Variants in CDH13 observed in about 807,000 individuals in gnomAD.
CDH13 encodes the protein cadherin 13.
In CDH13, 24 loss-of-function variants were observed where a neutral mutation model predicts 63.8. The ratio of observed to expected loss-of-function variants is 0.38; its 90% CI spans 0.27 to 0.53. CDH13 has a LOEUF of 0.53. Ranked by LOEUF, CDH13 falls within the 20% of genes least tolerant of loss-of-function variation. CDH13 has a pLI of 0.85. For missense variants in CDH13, 1,049 were observed against 903.1 expected (o/e 1.16, Z -2.07); for synonymous variants, 503 against 355.3 (o/e 1.42, Z -4.67).
chr16:83,173,171 A>G (rs2037993566), intron 4 of CDH13, among the ~76,000 whole-genome samples: 1 of 152,106 alleles, frequency 6.6e-6, no homozygotes, highest in South Asian at 2.1e-4. Flanking sequence ...CCACTTACAT[A>G]TGTCCAGCCA....
intron 11 of CDH13, among the ~76,000 whole-genome samples, chr16:83,775,606 G>A (rs1038639258): frequency 3.9e-4 from 59 of 152,120 alleles, no homozygotes; most frequent in African/African-American, 1.3e-3. Flanking sequence ...TGCTCAAATT[G>A]ACCTGTTTTC....
At chr16:83,455,630 C>A (rs375061624) in intron 6 of CDH13, among the ~76,000 whole-genome samples, 1 of 152,104 alleles carries the variant, frequency 6.6e-6, no homozygotes, top group Non-Finnish European at 1.5e-5. Flanking sequence ...TTCTGGTATC[C>A]GTCAATCCCT....
At chr16:83,137,067 G>T (rs1325737211) in intron 4 of CDH13, among the ~76,000 whole-genome samples, 1 of 152,210 alleles carries the variant, frequency 6.6e-6, no homozygotes, top group African/African-American at 2.4e-5. Context: ...AAGGGGTCAG[G>T]GGGCACATGG....
chr16:83,606,128 T>A (rs1048795733), intron 8 of CDH13, among the ~76,000 whole-genome samples: 1 of 152,098 alleles, frequency 6.6e-6, no homozygotes, highest in Admixed American at 6.5e-5. Flanking sequence ...GAGATGAAAA[T>A]CAAGGTTTAG....
chr16:83,657,691 G>T (rs1270171541), intron 8 of CDH13, among the ~76,000 whole-genome samples: 2 of 152,206 alleles, frequency 1.3e-5, no homozygotes, highest in African/African-American at 4.8e-5. Context: ...ACCTCCAGGA[G>T]ACTGTGATTT....
At chr16:83,362,512 G>T (rs891205936) in intron 6 of CDH13, among the ~76,000 whole-genome samples, 2 of 152,172 alleles carry the variant, frequency 1.3e-5, no homozygotes, top group Non-Finnish European at 2.9e-5. Context: ...CACCTCATAG[G>T]TGGGAGACAC....
intron 6 of CDH13, among the ~76,000 whole-genome samples, chr16:83,459,490 G>A (rs1379530281): frequency 1.3e-5 from 2 of 152,056 alleles, no homozygotes; most frequent in Non-Finnish European, 2.9e-5. Flanking sequence ...TTTTGCCTTT[G>A]GCTTATAAAC....
intron 2 of CDH13, among the ~76,000 whole-genome samples, chr16:82,885,224 A>T (rs903398687): frequency 6.6e-6 from 1 of 152,252 alleles, no homozygotes; most frequent in Non-Finnish European, 1.5e-5. Context: ...TTAATGTAAA[A>T]CATATTTCTA....
At chr16:82,904,713 A>T (rs1238777065) in intron 2 of CDH13, among the ~76,000 whole-genome samples, 4 of 152,142 alleles carry the variant, frequency 2.6e-5, no homozygotes, top group African/African-American at 9.7e-5. Context: ...CCATCACAGC[A>T]TAATTTAAGT....
chr16:82,637,428 C>CTTTTTTTTTTTTTTTTT lies in CDH13; in HGVS notation c.45+10295_45+10311dup, dbSNP rs573088098. Among the ~76,000 whole-genome samples, 27 of 81,654 alleles carry CTTTTTTTTTTTTTTTTT rather than the reference C, an allele frequency of 3.3e-4. 7 individuals are homozygous for CTTTTTTTTTTTTTTTTT. Among genetic ancestry groups the CTTTTTTTTTTTTTTTTT allele is most frequent in the African/African-American group, 4.2e-4 (8 of 19,256 alleles). The allele number at this position is 81,654 out of a possible 152,430, so 53.6% of individuals were successfully genotyped here. ...GCTGAGGTCTGTACAGTTACTGTGC[C>CTTTTTTTTTTTTTTTTT]TTTTTTTTTTTTTTTTTTTTGAGAC... is the stretch of plus-strand genomic sequence containing the variant. On this transcript the variant is annotated intron_variant, in intron 1 of 13. Coordinates refer to ENST00000567109, the MANE Select transcript of CDH13 (RefSeq NM_001257.5).
At chr16:83,458,135 G>A (rs963818549) in intron 6 of CDH13, among the ~76,000 whole-genome samples, 5 of 152,146 alleles carry the variant, frequency 3.3e-5, no homozygotes, top group Non-Finnish European at 5.9e-5. Context: ...GGCTTTCCTC[G>A]TCTGCTGGGA....
chr16:82,720,921 T>A (rs553374057), intron 1 of CDH13, among the ~76,000 whole-genome samples: 10 of 152,286 alleles, frequency 6.6e-5, no homozygotes, highest in African/African-American at 2.4e-4. Context: ...AAATACTAAC[T>A]GAATAAATGA....
At chr16:83,420,669 C>T (rs2071688452) in intron 6 of CDH13, among the ~76,000 whole-genome samples, 1 of 152,176 alleles carries the variant, frequency 6.6e-6, no homozygotes, top group African/African-American at 2.4e-5. Flanking sequence ...ATAATTCACC[C>T]ACGTGATTAC....
intron 1 of CDH13, among the ~76,000 whole-genome samples, chr16:82,794,786 T>C (rs1288675088): frequency 6.6e-6 from 1 of 152,220 alleles, no homozygotes; most frequent in African/African-American, 2.4e-5. Context: ...AGTTGTAGAA[T>C]AATTTAAACC....
At chr16:83,117,456 C>CT (rs2151631364) in intron 3 of CDH13, among the ~76,000 whole-genome samples, 1 of 152,226 alleles carries the variant, frequency 6.6e-6, no homozygotes, top group Non-Finnish European at 1.5e-5. Context: ...TCAGCACCCT[C>CT]TCCCCCTGAG....
intron 10 of CDH13, among the ~76,000 whole-genome samples, chr16:83,699,445 A>C (rs932832459): frequency 6.6e-6 from 1 of 152,198 alleles, no homozygotes; most frequent in African/African-American, 2.4e-5. Flanking sequence ...GAGGCTTCCC[A>C]AGATTTCTGC....
At chr16:83,588,087 G>C (rs1277930732) in intron 7 of CDH13, among the ~76,000 whole-genome samples, 1 of 152,174 alleles carries the variant, frequency 6.6e-6, no homozygotes, top group African/African-American at 2.4e-5. Context: ...GCTGGGACCA[G>C]CCAGTGGGGC....
chr16:83,762,164 C>G (rs1172820155), intron 11 of CDH13, among the ~76,000 whole-genome samples: 2 of 152,186 alleles, frequency 1.3e-5, no homozygotes, highest in African/African-American at 4.8e-5. Flanking sequence ...TACATCAAAA[C>G]TGGCTGTGGC....
At chr16:82,985,065 A>T (rs555109263) in intron 2 of CDH13, among the ~76,000 whole-genome samples, 2 of 152,202 alleles carry the variant, frequency 1.3e-5, no homozygotes, top group Admixed American at 6.5e-5. Context: ...TGAGACTGAG[A>T]ATGTCAAATT....
Sources: gnomAD v4.1 joint callset for allele counts (sites outside exome capture counted in the v4.1 genomes callset) on GRCh38, gnomAD v4.1.1 for gene constraint, MANE v1.5 for transcripts, NCBI Gene and HGNC (gene_info 2026-07-23, HGNC 2026-07-21) for gene names.